Variants in THEM4 observed in about 807,000 individuals in gnomAD.
THEM4 encodes the protein acyl-coenzyme A thioesterase THEM4.
In THEM4, 22 loss-of-function variants were observed where a neutral mutation model predicts 25.0. The ratio of observed to expected loss-of-function variants is 0.88; its 90% CI spans 0.63 to 1.26. The LOEUF is 1.26. Ranked by LOEUF, THEM4 falls within the 50% of genes most tolerant of loss-of-function variation. The pLI is 0.00. For missense variants in THEM4, 286 were observed against 300.3 expected, an observed-to-expected ratio of 0.95 and a Z score of 0.35; for synonymous variants, 113 against 105.6, an observed-to-expected ratio of 1.07 and a Z score of -0.43.
At chr1:151,901,010 G>A (rs1249115026) in intron 1 of THEM4, among the ~76,000 whole-genome samples, 2 of 152,216 alleles carry the variant, frequency 1.3e-5, no homozygotes, top group Admixed American at 1.3e-4. Context: ...CAGATAACTA[G>A]CCAGAGCCCA....
In THEM4 at chr1:151,871,427, T is replaced by C. The variant is rs1408261995; in HGVS notation, c.*3461A>G. 6.6e-6 allele frequency among the ~76,000 whole-genome samples: 1 copy of C among 151,088 alleles called. No homozygotes were observed. Among genetic ancestry groups the C allele is most frequent in the Non-Finnish European group, 1.5e-5 (1 of 67,740 alleles). On this transcript the variant is annotated 3_prime_UTR_variant, in exon 6 of 6. Transcript: ENST00000368814. ...GTCACACAGCAAGCCAGTGATGGAG[T>C]GGAGCTGGCAATTCTGATAGCATCT...
In THEM4 at chr1:151,872,167, GC is replaced by G. The variant is rs2101711813; in HGVS notation, c.*2720del. On this transcript the variant is annotated 3_prime_UTR_variant, in exon 6 of 6. Transcript: ENST00000368814. ...GTGCCCCCATGTCTGCTGGGCCCTT[GC>G]AACTTGAGAACTGGAGTTGGGCACT... 6.6e-6 allele frequency among the ~76,000 whole-genome samples: 1 copy of G among 152,212 alleles called. No individual in the cohort carries two copies. The highest frequency in any genetic ancestry group is 2.1e-4 in the South Asian group (1 of 4,822).
At position 151,871,324 on chromosome 1, in the gene THEM4, TGAA is replaced by T. The variant is rs1558186097; in HGVS notation, c.*3561_*3563del. Among the ~76,000 whole-genome samples the T allele has an allele frequency of 3.5e-5, 1 of 28,892 alleles. No homozygotes were observed. The highest frequency in any genetic ancestry group is 1.0e-4 in the African/African-American group (1 of 9,688). 19.0% of individuals were successfully genotyped at this position (28,892 alleles called of 152,430 possible). Reference sequence around the variant, plus strand: ...CAGGCGACAGAGCCAGACCCTGTCTTGAAAAAAAAAAAAAAAAAAGAAAAAGAA... The same window carrying T: ...CAGGCGACAGAGCCAGACCCTGTCTTAAAAAAAAAAAAAAAAGAAAAAGAA... On this transcript the variant is annotated 3_prime_UTR_variant, in exon 6 of 6. Transcript: ENST00000368814.
chr1:151,902,294 T>C (rs1654369475), intron 1 of THEM4, among the ~76,000 whole-genome samples: 1 of 152,220 alleles, frequency 6.6e-6, no homozygotes, highest in African/African-American at 2.4e-5. Flanking sequence ...TTGCAAATCA[T>C]GGAACCAACC....
chr1:151,874,673 C>A lies in THEM4; in HGVS notation c.*215G>T. 1 of 614,260 alleles carries A rather than the reference C, an allele frequency of 1.6e-6. No homozygotes were observed. The highest frequency in any genetic ancestry group is 2.9e-6 in the Non-Finnish European group (1 of 344,914). 38.1% of individuals were successfully genotyped at this position (614,260 alleles called of 1,614,324 possible). A position where few individuals can be genotyped will look rare whatever the true frequency, so the allele number is the denominator to read the frequency against. On this transcript the variant is annotated 3_prime_UTR_variant, in exon 6 of 6. Coordinates refer to ENST00000368814, the MANE Select transcript of THEM4 (RefSeq NM_053055.5). Reference sequence around the variant, plus strand: ...TATAGGTGTGAGCCACAGCGCCTGGCCCGAGAGTTGTCGATATGCTCGCAG... The same window carrying A: ...TATAGGTGTGAGCCACAGCGCCTGGACCGAGAGTTGTCGATATGCTCGCAG...
intron 4 of THEM4, among the ~76,000 whole-genome samples, chr1:151,885,083 T>TTTA (rs1653937151): frequency 8.9e-5 from 13 of 145,524 alleles, no homozygotes; most frequent in African/African-American, 3.0e-4. Flanking sequence ...TGATTTCATC[T>TTTA]TTTATTTATT....
At chr1:151,904,586 C>T (rs778870617) in intron 1 of THEM4, among the ~76,000 whole-genome samples, 4 of 151,956 alleles carry the variant, frequency 2.6e-5, no homozygotes, top group African/African-American at 4.8e-5. Flanking sequence ...TCTGGTGTAA[C>T]GAATGAATTA....
chr1:151,909,483 T>C lies in THEM4; in HGVS notation c.-25A>G. ...TGGCTCCGGGCCGCGGGGCCGCGCT[T>C]GCTCTAGCCCTGGACGGCGCACTCT... On this transcript the variant is annotated 5_prime_UTR_variant, in exon 1 of 6. Transcript: ENST00000368814. The C allele has an allele frequency of 8.7e-6, 12 of 1,371,616 alleles. No homozygotes were observed. Among genetic ancestry groups the C allele is most frequent in the Non-Finnish European group, 1.1e-5 (12 of 1,070,464 alleles). The allele number at this position is 1,371,616 out of a possible 1,614,324, so 85.0% of individuals were successfully genotyped here.
chr1:151,887,662 T>C (rs915214852), intron 4 of THEM4, among the ~76,000 whole-genome samples: 2 of 152,022 alleles, frequency 1.3e-5, no homozygotes, highest in South Asian at 2.1e-4. Context: ...TTTTTTACAG[T>C]TGGGGTCTTG....
chr1:151,909,478 G>C lies in THEM4; in HGVS notation c.-20C>G, dbSNP rs1227537829. The C allele has an allele frequency of 3.6e-6, 5 of 1,372,390 alleles. No homozygotes were observed. The South Asian group carries it at 6.7e-5, about 18-fold the overall frequency. 85.0% of individuals were successfully genotyped at this position (1,372,390 alleles called of 1,614,324 possible). A position where few individuals can be genotyped will look rare whatever the true frequency, so the allele number is the denominator to read the frequency against. ...CAGCATGGCTCCGGGCCGCGGGGCCGCGCTTGCTCTAGCCCTGGACGGCGC... is the reference window on the plus strand; with the variant it reads ...CAGCATGGCTCCGGGCCGCGGGGCCCCGCTTGCTCTAGCCCTGGACGGCGC... On this transcript the variant is annotated 5_prime_UTR_variant, in exon 1 of 6. Transcript: ENST00000368814.
rs11304399 is a variant in THEM4, at chr1:151,871,325, GAAAA to G, written c.*3559_*3562del. ...AGGCGACAGAGCCAGACCCTGTCTT[GAAAA>G]AAAAAAAAAAAAAAGAAAAAGAAAA... On this transcript the variant is annotated 3_prime_UTR_variant, in exon 6 of 6. Transcript: ENST00000368814. Among the ~76,000 whole-genome samples the G allele has an allele frequency of 3.2e-4, 39 of 123,704 alleles. No homozygotes were observed. Among genetic ancestry groups the G allele is most frequent in the Admixed American group, 4.2e-4 (5 of 11,790 alleles). 81.2% of individuals were successfully genotyped at this position (123,704 alleles called of 152,430 possible). A position where few individuals can be genotyped will look rare whatever the true frequency, so the allele number is the denominator to read the frequency against.
chr1:151,900,543 G>C (rs1654329146), intron 1 of THEM4, among the ~76,000 whole-genome samples: 1 of 152,148 alleles, frequency 6.6e-6, no homozygotes, highest in Non-Finnish European at 1.5e-5. Flanking sequence ...TCTTACATCA[G>C]ACAAAACAAA....
intron 1 of THEM4, among the ~76,000 whole-genome samples, chr1:151,896,335 G>A (rs565556192): frequency 5.3e-5 from 8 of 152,146 alleles, no homozygotes; most frequent in Admixed American, 2.6e-4. Flanking sequence ...CCAAGCAGAT[G>A]CCACCATCAT....
chr1:151,880,937 CT>C (rs1343892241), intron 4 of THEM4, among the ~76,000 whole-genome samples: 1 of 152,140 alleles, frequency 6.6e-6, no homozygotes, highest in African/African-American at 2.4e-5. Flanking sequence ...TTCTAACCCT[CT>C]TTTTTTCCTT....
chr1:151,893,367 T>G (rs1361101508), intron 2 of THEM4, among the ~76,000 whole-genome samples: 1 of 101,590 alleles, frequency 9.8e-6, no homozygotes, highest in Non-Finnish European at 2.0e-5. Flanking sequence ...GTGAGACTCA[T>G]TCTCAAAACC....
chr1:151,881,315 G>A (rs890969598), intron 4 of THEM4, among the ~76,000 whole-genome samples: 3 of 152,150 alleles, frequency 2.0e-5, no homozygotes, highest in Non-Finnish European at 4.4e-5. Context: ...CCACAGGCAT[G>A]AGCCACTGCA....
At chr1:151,883,562 C>T (rs1031732158) in intron 4 of THEM4, among the ~76,000 whole-genome samples, 13 of 151,930 alleles carry the variant, frequency 8.6e-5, no homozygotes, top group East Asian at 1.9e-4. Flanking sequence ...ATTTGGGTGG[C>T]GACACAAAGC....
chr1:151,879,586 ATGTT>A (rs768651921), intron 4 of THEM4, among the ~76,000 whole-genome samples: 14 of 151,664 alleles, frequency 9.2e-5, no homozygotes, highest in Non-Finnish European at 1.3e-4. Flanking sequence ...GCAGAGTTCT[ATGTT>A]TGTCTAATAA....
intron 1 of THEM4, among the ~76,000 whole-genome samples, chr1:151,897,106 C>T (rs1654241783): frequency 6.6e-6 from 1 of 152,168 alleles, no homozygotes; most frequent in Non-Finnish European, 1.5e-5. Flanking sequence ...AGGAGCAGAA[C>T]AAAGTGTATG....
Sources: allele counts gnomAD v4.1 joint callset (sites outside exome capture counted in the v4.1 genomes callset), GRCh38; gene constraint gnomAD v4.1.1; transcripts MANE v1.5; gene names NCBI Gene and HGNC (gene_info 2026-07-23, HGNC 2026-07-21).